TSPAN13: variants seen among roughly 807,000 people sequenced by gnomAD.
TSPAN13 encodes tetraspanin 13, also known as tetraspanin-13.
In TSPAN13, 18 loss-of-function variants were observed where a neutral mutation model predicts 26.9. The observed-to-expected ratio is 0.67, with a 90% CI of 0.46 to 0.99. The LOEUF is 0.99. Ranked by LOEUF, TSPAN13 falls within the 50% of genes least tolerant of loss-of-function variation. TSPAN13 has a pLI of 0.00. For synonymous variants in TSPAN13, 116 were observed against 98.4 expected (o/e 1.18, Z -1.06); for missense variants, 201 against 249.6 (o/e 0.81, Z 1.31).
chr7:16,759,458 A>G (rs557123925), intron 1 of TSPAN13, among the ~76,000 whole-genome samples: 52 of 152,188 alleles, frequency 3.4e-4, no homozygotes, highest in African/African-American at 1.2e-3. Context: ...CACTGAGGGG[A>G]TGGTGCCAAA....
At chr7:16,766,614 A>G (rs1784606623) in intron 1 of TSPAN13, among the ~76,000 whole-genome samples, 1 of 152,168 alleles carries the variant, frequency 6.6e-6, no homozygotes, top group Admixed American at 6.5e-5. Flanking sequence ...AATTGGAACA[A>G]ATTATAGGAG....
intron 1 of TSPAN13, among the ~76,000 whole-genome samples, chr7:16,775,272 A>G (rs938688394): frequency 6.6e-6 from 1 of 152,240 alleles, no homozygotes; most frequent in African/African-American, 2.4e-5. Context: ...GTGGCATACT[A>G]TTTTTAAGTG....
intron 1 of TSPAN13, among the ~76,000 whole-genome samples, chr7:16,755,794 A>T (rs766979739): frequency 6.6e-6 from 1 of 152,130 alleles, no homozygotes; most frequent in Non-Finnish European, 1.5e-5. Flanking sequence ...TGCTTTCTAG[A>T]CATCATTTTT....
chr7:16,773,075 G>T (rs147199167), intron 1 of TSPAN13, among the ~76,000 whole-genome samples: 2,240 of 151,456 alleles, frequency 0.015, 55 homozygotes, highest in African/African-American at 0.05. Context: ...TCACAGAGGG[G>T]TCAGCTGGGC....
intron 1 of TSPAN13, among the ~76,000 whole-genome samples, chr7:16,774,449 G>C (rs116277650): frequency 1.3e-5 from 2 of 152,088 alleles, no homozygotes; most frequent in African/African-American, 2.4e-5. Context: ...TTCTTCCTTC[G>C]CACCTCCTTC....
Position 16,761,690 on chromosome 7 carries a change from ATTTTTTTTT to A in TSPAN13, c.63+7676_63+7684del, listed in dbSNP as rs35451307. Among the ~76,000 whole-genome samples, 709 of 93,356 alleles carry A rather than the reference ATTTTTTTTT, an allele frequency of 7.6e-3. 8 individuals are homozygous for A. Among genetic ancestry groups the A allele is most frequent in the African/African-American group, 0.027 (642 of 23,692 alleles). 61.2% of individuals were successfully genotyped at this position (93,356 alleles called of 152,430 possible). A position where few individuals can be genotyped will look rare whatever the true frequency, so the allele number is the denominator to read the frequency against. ...ATACTCCACCCTACCCAGCTAATTA[ATTTTTTTTT>A]TTTTTTTTTTTTTTTGTAGAGACAG... On this transcript the variant is annotated intron_variant, in intron 1 of 5. Transcript: ENST00000262067.
At chr7:16,754,078 C>G in intron 1 of TSPAN13, 48 bp downstream of exon 1, 1 of 1,583,928 alleles carries the variant, frequency 6.3e-7, no homozygotes, top group Non-Finnish European at 8.6e-7. Context: ...TTTGCACCTG[C>G]TTGGGAGCTC....
intron 1 of TSPAN13, among the ~76,000 whole-genome samples, chr7:16,764,053 C>G (rs991600366): frequency 6.6e-6 from 1 of 152,142 alleles, no homozygotes; most frequent in Non-Finnish European, 1.5e-5. Flanking sequence ...GAGTCTCGCT[C>G]TGTTGCCAGG....
chr7:16,770,632 G>A (rs759240477), intron 1 of TSPAN13, among the ~76,000 whole-genome samples: 1 of 151,998 alleles, frequency 6.6e-6, no homozygotes, highest in African/African-American at 2.4e-5. Context: ...CTCTCTCATG[G>A]TAAATTTTTT....
Position 16,783,655 on chromosome 7 carries a change from T to A in TSPAN13, c.*164T>A, listed in dbSNP as rs1454434574. 3.0e-6 allele frequency: 2 copies of A among 674,010 alleles called. No homozygotes were observed. The highest frequency in any genetic ancestry group is 3.6e-5 in the African/African-American group (2 of 55,678). 41.8% of individuals were successfully genotyped at this position (674,010 alleles called of 1,614,324 possible). A position where few individuals can be genotyped will look rare whatever the true frequency, so the allele number is the denominator to read the frequency against. On this transcript the variant is annotated 3_prime_UTR_variant, in exon 6 of 6. Coordinates refer to ENST00000262067, the MANE Select transcript of TSPAN13 (RefSeq NM_014399.4). ...TACTCTATGTTTCTCTACATGTTTTTTTCTTTCCGTTGCTGAAAAATATTT... is the reference window on the plus strand; with the variant it reads ...TACTCTATGTTTCTCTACATGTTTTATTCTTTCCGTTGCTGAAAAATATTT...
intron 1 of TSPAN13, 124 bp downstream of exon 1, chr7:16,754,154 G>GC (rs11405941): frequency 1 from 1,031,602 of 1,031,624 alleles, 515,790 homozygotes; most frequent in Middle Eastern, 1. Flanking sequence ...GGCTTCCCAC[G>GC]TCTGCGCGCC....
Position 16,783,445 on chromosome 7 carries a change from A to T in TSPAN13, c.569A>T (p.Tyr190Phe), listed in dbSNP as rs774459042. 1 of 1,613,658 alleles carries T rather than the reference A, an allele frequency of 6.2e-7. No homozygotes were observed. Among genetic ancestry groups the T allele is most frequent in the Non-Finnish European group, 8.5e-7 (1 of 1,179,816 alleles). ...CTGGGTGTTTGGCTGACCTACAGATACAGGAACCAGAAAGACCCCCGCGCG... is the reference window on the plus strand; with the variant it reads ...CTGGGTGTTTGGCTGACCTACAGATTCAGGAACCAGAAAGACCCCCGCGCG... ...EILGVWLTYR[Y>F]RNQKDPRANP... Residue 190 changes from tyrosine to phenylalanine, a missense_variant, in exon 6 of 6, where the codon TAC becomes TTC. By Grantham distance (22) the Tyr-to-Phe change is conservative (BLOSUM62 3). Transcript: ENST00000262067.
chr7:16,760,154 G>A (rs1214763777), intron 1 of TSPAN13, among the ~76,000 whole-genome samples: 1 of 152,176 alleles, frequency 6.6e-6, no homozygotes, highest in East Asian at 1.9e-4. Flanking sequence ...GGAGCCAATG[G>A]TGTGTTTAGG....
chr7:16,768,465 A>G (rs1784634320), intron 1 of TSPAN13, among the ~76,000 whole-genome samples: 1 of 152,202 alleles, frequency 6.6e-6, no homozygotes, highest in Admixed American at 6.5e-5. Flanking sequence ...TCCCATCTGG[A>G]AAATGGAAGC....
chr7:16,778,135 T>C (rs1301781964), intron 4 of TSPAN13, among the ~76,000 whole-genome samples: 1 of 152,216 alleles, frequency 6.6e-6, no homozygotes, highest in Non-Finnish European at 1.5e-5. Flanking sequence ...CAGATGCTAA[T>C]GGTTTATTGT....
chr7:16,765,226 A>G lies in TSPAN13; in HGVS notation c.64-10985A>G, dbSNP rs116333827. ...GAAGCTATCCTGAGTCAGTCTCCCA[A>G]GTAGCTGGGACCACAGCTGGTTGCC... On this transcript the variant is annotated intron_variant, in intron 1 of 5. Coordinates refer to ENST00000262067, the MANE Select transcript of TSPAN13 (RefSeq NM_014399.4). Among the ~76,000 whole-genome samples the G allele has an allele frequency of 3.5e-3, 530 of 152,068 alleles. 7 individuals are homozygous for G. Among genetic ancestry groups the G allele is most frequent in the African/African-American group, 0.012 (500 of 41,462 alleles).
intron 5 of TSPAN13, among the ~76,000 whole-genome samples, chr7:16,782,180 T>C (rs1167146636): frequency 6.6e-6 from 1 of 152,238 alleles, no homozygotes; most frequent in African/African-American, 2.4e-5. Context: ...TTTTTCCCCA[T>C]TAGATGGATT....
chr7:16,777,263 C>T (rs1158391791), intron 3 of TSPAN13, 141 bp downstream of exon 3: 10 of 620,844 alleles, frequency 1.6e-5, no homozygotes, highest in Non-Finnish European at 2.0e-5. Flanking sequence ...CTCTCTTGTT[C>T]CCTTTGCATT....
intron 1 of TSPAN13, among the ~76,000 whole-genome samples, chr7:16,761,032 A>T (rs924100510): frequency 6.6e-6 from 1 of 152,072 alleles, no homozygotes; most frequent in Non-Finnish European, 1.5e-5. Context: ...TGCTCCAAAG[A>T]AGGAAGTGGT....
Sources: gnomAD v4.1 joint callset for allele counts (sites outside exome capture counted in the v4.1 genomes callset) on GRCh38, gnomAD v4.1.1 for gene constraint, MANE v1.5 for transcripts, NCBI Gene and HGNC (gene_info 2026-07-23, HGNC 2026-07-21) for gene names.